Variants in CHST9 observed in about 807,000 individuals in gnomAD.
The protein encoded by CHST9 is carbohydrate sulfotransferase 9.
A neutral mutation model predicts 44.4 loss-of-function variants in CHST9; 41 were observed. The observed-to-expected ratio is 0.92, with a 90% CI of 0.72 to 1.20. The LOEUF (loss-of-function observed/expected upper bound fraction) is 1.20, where lower values mean the gene tolerates loss of function less well. CHST9 is among the 50% of genes most tolerant of loss of function. The probability of loss-of-function intolerance (pLI) is 0.00; values close to 1 mark genes in which losing one functional copy is unlikely to be tolerated. For missense variants in CHST9, 504 were observed against 516.5 expected (o/e 0.98, Z 0.23); for synonymous variants, 171 against 178.4 (o/e 0.96, Z 0.33).
At chr18:27,159,088 T>G (rs1395984026) in intron 1 of CHST9, among the ~76,000 whole-genome samples, 1 of 152,210 alleles carries the variant, frequency 6.6e-6, no homozygotes, top group African/African-American at 2.4e-5. Context: ...TAGTTTCTTT[T>G]GCTGTGCAGA....
chr18:27,037,432 G>A (rs188852808), intron 3 of CHST9, among the ~76,000 whole-genome samples: 361 of 152,332 alleles, frequency 2.4e-3, no homozygotes, highest in Middle Eastern at 3.4e-3. Flanking sequence ...GCTCACGCCT[G>A]TAATCTCAGC....
At chr18:26,929,740 T>C (rs1322833788) in intron 5 of CHST9, among the ~76,000 whole-genome samples, 2 of 151,836 alleles carry the variant, frequency 1.3e-5, no homozygotes, top group Non-Finnish European at 2.9e-5. Flanking sequence ...AGTGGCCAGT[T>C]ATTACGGGGT....
At chr18:26,993,999 G>A (rs529746494) in intron 4 of CHST9, among the ~76,000 whole-genome samples, 69 of 152,258 alleles carry the variant, frequency 4.5e-4, no homozygotes, top group African/African-American at 1.6e-3. Flanking sequence ...TCTTCACATG[G>A]TCTTTCCTCT....
chr18:27,137,535 T>C (rs75152760), intron 2 of CHST9, among the ~76,000 whole-genome samples: 1,714 of 151,946 alleles, frequency 0.011, 27 homozygotes, highest in African/African-American at 0.036. Context: ...TCCAGAAGCA[T>C]GGTGAGTGAA....
intron 2 of CHST9, among the ~76,000 whole-genome samples, chr18:27,102,683 T>C (rs2058185598): frequency 6.6e-6 from 1 of 152,202 alleles, no homozygotes; most frequent in Non-Finnish European, 1.5e-5. Context: ...TTGGATGAGA[T>C]TGGGTTCCTT....
chr18:27,157,397 T>C (rs896336462), intron 1 of CHST9, among the ~76,000 whole-genome samples: 1 of 152,138 alleles, frequency 6.6e-6, no homozygotes, highest in Non-Finnish European at 1.5e-5. Context: ...CATGAACTCA[T>C]TGCTAGCTTC....
At chr18:27,152,142 A>ATAGG (rs1172310587) in intron 1 of CHST9, among the ~76,000 whole-genome samples, 5 of 152,214 alleles carry the variant, frequency 3.3e-5, no homozygotes, top group Non-Finnish European at 7.3e-5. Context: ...ACACTAATTT[A>ATAGG]TAGGTGCTTC....
At chr18:27,111,366 T>C (rs1037992962) in intron 2 of CHST9, among the ~76,000 whole-genome samples, 4 of 152,242 alleles carry the variant, frequency 2.6e-5, no homozygotes, top group Non-Finnish European at 5.9e-5. Flanking sequence ...GTGAAAGATT[T>C]AGAAATTATA....
At chr18:27,126,370 C>T (rs1274918323) in intron 2 of CHST9, among the ~76,000 whole-genome samples, 1 of 152,180 alleles carries the variant, frequency 6.6e-6, no homozygotes, top group African/African-American at 2.4e-5. Flanking sequence ...GTGCCGCCAT[C>T]ACAGATCTCA....
chr18:27,006,592 C>T (rs542657626), intron 4 of CHST9, among the ~76,000 whole-genome samples: 1 of 152,154 alleles, frequency 6.6e-6, no homozygotes, highest in Non-Finnish European at 1.5e-5. Flanking sequence ...CTGGAACAAT[C>T]GTTTGTTTCT....
chr18:27,066,419 CT>C (rs2057782972), intron 2 of CHST9, among the ~76,000 whole-genome samples: 1 of 152,148 alleles, frequency 6.6e-6, no homozygotes, highest in South Asian at 2.1e-4. Flanking sequence ...ATTCACAACT[CT>C]TAAGTTATAG....
intron 2 of CHST9, among the ~76,000 whole-genome samples, chr18:27,098,828 G>GA (rs56011064): frequency 0.22 from 31,111 of 140,996 alleles, 3,900 homozygotes; most frequent in East Asian, 0.38. Context: ...CACAGAACTG[G>GA]AAAAAAAAAA....
At chr18:27,071,642 G>T (rs1029269620) in intron 2 of CHST9, among the ~76,000 whole-genome samples, 1 of 152,040 alleles carries the variant, frequency 6.6e-6, no homozygotes, top group Non-Finnish European at 1.5e-5. Context: ...CAAAAACTTT[G>T]TTGTTTCTTT....
intron 4 of CHST9, among the ~76,000 whole-genome samples, chr18:27,012,033 CT>C (rs1344484118): frequency 2.6e-5 from 4 of 152,328 alleles, no homozygotes; most frequent in Middle Eastern, 3.4e-3. Context: ...CCATGCAAGC[CT>C]TTCTACATGA....
chr18:26,999,739 T>C (rs1220321195), intron 4 of CHST9, among the ~76,000 whole-genome samples: 1 of 152,212 alleles, frequency 6.6e-6, no homozygotes, highest in African/African-American at 2.4e-5. Context: ...CCAAATTACC[T>C]ACCTTTCAGG....
intron 5 of CHST9, among the ~76,000 whole-genome samples, chr18:26,929,809 G>A (rs568512573): frequency 1.3e-5 from 2 of 152,280 alleles, no homozygotes; most frequent in African/African-American, 4.8e-5. Flanking sequence ...AGCAGAATAG[G>A]AGTCTGAGAG....
At chr18:27,020,015 T>C (rs1166649759) in intron 4 of CHST9, among the ~76,000 whole-genome samples, 1 of 152,098 alleles carries the variant, frequency 6.6e-6, no homozygotes, top group Non-Finnish European at 1.5e-5. Context: ...AGTGGTGAGT[T>C]GCTTTCTTGA....
chr18:27,120,010 G>A (rs2058361200), intron 2 of CHST9, among the ~76,000 whole-genome samples: 2 of 152,178 alleles, frequency 1.3e-5, no homozygotes, highest in Admixed American at 1.3e-4. Context: ...AAGGTGCTGT[G>A]AGAGAGAATA....
chr18:26,974,980 G>A lies in CHST9; in HGVS notation c.203-30614C>T, dbSNP rs118089032. Among the ~76,000 whole-genome samples the A allele has an allele frequency of 4.6e-3, 703 of 152,228 alleles. 2 individuals are homozygous for A. The highest frequency in any genetic ancestry group is 7.0e-3 in the Non-Finnish European group (474 of 67,994). ...ATGAGCCACTGCGCCCAGCCCAGGC[G>A]TACTTATTTTCATTTCACAAATGAG... On this transcript the variant is annotated intron_variant, in intron 4 of 5. Transcript: ENST00000618847.
Sources: gnomAD v4.1 joint callset for allele counts (sites outside exome capture counted in the v4.1 genomes callset) on GRCh38, gnomAD v4.1.1 for gene constraint, MANE v1.5 for transcripts, NCBI Gene and HGNC (gene_info 2026-07-23, HGNC 2026-07-21) for gene names.